The following GALNT13 variants were observed in gnomAD, a reference collection of about 807,000 sequenced individuals.
GALNT13 encodes the protein polypeptide N-acetylgalactosaminyltransferase 13.
Under a neutral mutation model 64.2 loss-of-function variants are expected in GALNT13, and 28 were observed. The observed-to-expected ratio is 0.44, with a 90% CI of 0.32 to 0.60. GALNT13 has a LOEUF of 0.60. Ranked by LOEUF, GALNT13 falls within the 20% of genes least tolerant of loss-of-function variation. The probability of loss-of-function intolerance (pLI) is 0.05; values close to 1 mark genes in which losing one functional copy is unlikely to be tolerated. For synonymous variants in GALNT13, 214 were observed against 224.6 expected (o/e 0.95, Z 0.42); for missense variants, 577 against 669.8 (o/e 0.86, Z 1.53).
the GALNT13 span, among the ~76,000 whole-genome samples, chr2:153,468,033 T>C: frequency 6.6e-6 from 1 of 151,954 alleles, no homozygotes; most frequent in South Asian, 2.1e-4. Flanking sequence ...ATTAAAACTC[T>C]GTAACTTCAC....
the GALNT13 span, among the ~76,000 whole-genome samples, chr2:153,851,541 GAA>G: frequency 1.2e-4 from 16 of 138,220 alleles, no homozygotes; most frequent in South Asian, 2.4e-4. Context: ...GTGTTTCCAA[GAA>G]AAAAAAAAAA....
At chr2:154,413,056 T>G (rs1699860687) in intron 11 of GALNT13, among the ~76,000 whole-genome samples, 1 of 151,912 alleles carries the variant, frequency 6.6e-6, no homozygotes, top group Non-Finnish European at 1.5e-5. Context: ...TCTCTGTACT[T>G]CTGAAAGATG....
At chr2:153,273,525 A>C in the GALNT13 span, among the ~76,000 whole-genome samples, 1 of 152,208 alleles carries the variant, frequency 6.6e-6, no homozygotes, top group Non-Finnish European at 1.5e-5. Context: ...ATTTGTTATC[A>C]GTTGAAATTG....
the GALNT13 span, among the ~76,000 whole-genome samples, chr2:153,611,679 CT>C: frequency 6.0e-3 from 623 of 104,374 alleles, 2 homozygotes; most frequent in African/African-American, 0.019. Context: ...ACATTTTTAC[CT>C]TTTTTTTTTT....
chr2:153,603,702 A>T, the GALNT13 span, among the ~76,000 whole-genome samples: 1 of 151,970 alleles, frequency 6.6e-6, no homozygotes, highest in Non-Finnish European at 1.5e-5. Flanking sequence ...GAGGCTTTAC[A>T]AACAAAATTC....
At chr2:153,093,811 C>T in the GALNT13 span, among the ~76,000 whole-genome samples, 2 of 152,052 alleles carry the variant, frequency 1.3e-5, no homozygotes, top group Non-Finnish European at 2.9e-5. Context: ...GGTCCTGGGC[C>T]TTTCTTTACT....
In GALNT13 at chr2:154,417,513, A is replaced by ATTTTTTTTTT. The variant is rs1387223429; in HGVS notation, c.1395+8434_1395+8435insTTTTTTTTTT. On this transcript the variant is annotated intron_variant, in intron 11 of 12. Coordinates refer to ENST00000392825, the MANE Select transcript of GALNT13 (RefSeq NM_052917.4). The stretch of plus-strand genomic sequence containing the variant: ...CTTTTATTTATTTATTTATTTATTT[A>ATTTTTTTTTT]TTTATTTATTTTTTTGAGGCGGAGT... Among the ~76,000 whole-genome samples, 115 of 130,298 alleles carry ATTTTTTTTTT rather than the reference A, an allele frequency of 8.8e-4. 1 individual carries two copies. Among genetic ancestry groups the ATTTTTTTTTT allele is most frequent in the East Asian group, 4.4e-3 (19 of 4,340 alleles). 85.5% of individuals were successfully genotyped at this position (130,298 alleles called of 152,430 possible). A position where few individuals can be genotyped will look rare whatever the true frequency, so the allele number is the denominator to read the frequency against.
the GALNT13 span, among the ~76,000 whole-genome samples, chr2:153,288,134 C>T: frequency 6.6e-6 from 1 of 152,078 alleles, no homozygotes; most frequent in African/African-American, 2.4e-5. Flanking sequence ...AGAATGGATC[C>T]TAGAGATAGA....
At chr2:154,007,461 G>T (rs1044782951) in intron 3 of GALNT13, among the ~76,000 whole-genome samples, 1 of 151,960 alleles carries the variant, frequency 6.6e-6, no homozygotes, top group African/African-American at 2.4e-5. Context: ...CGATTATTCT[G>T]TATAGTTCCT....
the GALNT13 span, among the ~76,000 whole-genome samples, chr2:153,154,985 C>A: frequency 6.6e-6 from 1 of 152,086 alleles, no homozygotes; most frequent in African/African-American, 2.4e-5. Context: ...TTGAGAAAAT[C>A]ATGTGGTTTT....
chr2:154,001,227 TA>T (rs905699628), intron 3 of GALNT13, among the ~76,000 whole-genome samples: 5 of 152,094 alleles, frequency 3.3e-5, no homozygotes, highest in South Asian at 2.1e-4. Flanking sequence ...TGCACCTTTT[TA>T]AAAAATGTTA....
intron 4 of GALNT13, among the ~76,000 whole-genome samples, chr2:154,217,840 A>T (rs996100864): frequency 6.6e-6 from 1 of 152,176 alleles, no homozygotes; most frequent in Non-Finnish European, 1.5e-5. Flanking sequence ...TGTATTTTCA[A>T]AAGAGTGTGT....
chr2:153,145,012 C>T, the GALNT13 span, among the ~76,000 whole-genome samples: 1 of 151,760 alleles, frequency 6.6e-6, no homozygotes, highest in African/African-American at 2.4e-5. Context: ...ATGATAGTCA[C>T]TAGATGATAA....
the GALNT13 span, among the ~76,000 whole-genome samples, chr2:153,153,663 CTTTTTT>C: frequency 7.7e-6 from 1 of 129,784 alleles, no homozygotes; most frequent in African/African-American, 2.9e-5. Flanking sequence ...TTCCCCATTG[CTTTTTT>C]TTTTTTTTTT....
At chr2:153,978,022 A>G (rs1179757969) in intron 3 of GALNT13, among the ~76,000 whole-genome samples, 1 of 152,154 alleles carries the variant, frequency 6.6e-6, no homozygotes, top group African/African-American at 2.4e-5. Context: ...TGCCTCAGCT[A>G]TCACCTAGAA....
the GALNT13 span, among the ~76,000 whole-genome samples, chr2:153,359,530 T>C: frequency 6.8e-6 from 1 of 146,924 alleles, no homozygotes; most frequent in Non-Finnish European, 1.5e-5. Flanking sequence ...GCACAAACAA[T>C]TGGCTGAAAA....
At chr2:153,765,935 T>C in the GALNT13 span, among the ~76,000 whole-genome samples, 1 of 152,176 alleles carries the variant, frequency 6.6e-6, no homozygotes, top group South Asian at 2.1e-4. Context: ...TCCCCTCCTT[T>C]ACCTTCTGCC....
At chr2:153,281,891 T>C in the GALNT13 span, among the ~76,000 whole-genome samples, 1 of 151,866 alleles carries the variant, frequency 6.6e-6, no homozygotes, top group Non-Finnish European at 1.5e-5. Flanking sequence ...CTTCATTTCA[T>C]ATAATATCAC....
chr2:153,861,559 C>CTTTTTTT, the GALNT13 span, among the ~76,000 whole-genome samples: 73 of 118,170 alleles, frequency 6.2e-4, no homozygotes, highest in East Asian at 2.1e-3. Context: ...TTCTTTCTTT[C>CTTTTTTT]TTTTTTTTTT....
Sources: allele counts gnomAD v4.1 joint callset (sites outside exome capture counted in the v4.1 genomes callset), GRCh38; gene constraint gnomAD v4.1.1; transcripts MANE v1.5; gene names NCBI Gene and HGNC (gene_info 2026-07-23, HGNC 2026-07-21).